Variants in SNX29 observed in about 807,000 individuals in gnomAD.
SNX29 encodes sorting nexin 29, also known as sorting nexin-29.
A neutral mutation model predicts 102.1 loss-of-function variants in SNX29; 78 were observed. That is an observed-to-expected ratio of 0.76 (90% CI 0.64 to 0.92). The LOEUF (loss-of-function observed/expected upper bound fraction) is 0.92, where lower values mean the gene tolerates loss of function less well. Among genes scored for constraint, SNX29 ranks in the 40% least tolerant of loss-of-function variants. The pLI is 0.00. For missense variants in SNX29, 1,280 were observed against 1,061.7 expected (o/e 1.21, Z -2.86); for synonymous variants, 580 against 414.5 (o/e 1.40, Z -4.85).
intron 8 of SNX29, among the ~76,000 whole-genome samples, chr16:12,054,043 C>T (rs574373048): frequency 6.6e-6 from 1 of 151,786 alleles, no homozygotes; most frequent in East Asian, 1.9e-4. Flanking sequence ...TCTCGGCTCA[C>T]TGCAAACTCC....
At chr16:12,010,343 A>C (rs1262882560) in intron 3 of SNX29, among the ~76,000 whole-genome samples, 1 of 152,190 alleles carries the variant, frequency 6.6e-6, no homozygotes, top group African/African-American at 2.4e-5. Context: ...AATTATGGCC[A>C]GGTGCAGTGG....
intron 20 of SNX29, among the ~76,000 whole-genome samples, chr16:12,567,149 G>T (rs1166391032): frequency 1.3e-5 from 2 of 152,338 alleles, no homozygotes; most frequent in African/African-American, 2.4e-5. Context: ...ACTGGGCTTG[G>T]ATACAGCTGG....
chr16:12,255,119 A>C (rs1340437497), intron 14 of SNX29, among the ~76,000 whole-genome samples: 1 of 152,212 alleles, frequency 6.6e-6, no homozygotes, highest in Non-Finnish European at 1.5e-5. Flanking sequence ...AAACATATTC[A>C]TCACTTCACA....
chr16:12,005,976 A>G (rs1287999580), intron 3 of SNX29, among the ~76,000 whole-genome samples: 1 of 152,236 alleles, frequency 6.6e-6, no homozygotes, highest in Admixed American at 6.5e-5. Flanking sequence ...ATTTTATAGT[A>G]GAATTTAAAA....
At chr16:12,346,352 C>T (rs2081804660) in intron 15 of SNX29, among the ~76,000 whole-genome samples, 1 of 152,074 alleles carries the variant, frequency 6.6e-6, no homozygotes, top group African/African-American at 2.4e-5. Context: ...TTTACGTAAC[C>T]CTAAGTAAAG....
chr16:12,450,344 T>C (rs1349617319), intron 18 of SNX29, among the ~76,000 whole-genome samples: 1 of 152,198 alleles, frequency 6.6e-6, no homozygotes, highest in Non-Finnish European at 1.5e-5. Context: ...TAGCTTTTGT[T>C]TGGGCACATT....
At chr16:12,523,709 CAG>C (rs148325283) in intron 19 of SNX29, among the ~76,000 whole-genome samples, 1,885 of 152,274 alleles carry the variant, frequency 0.012, 44 homozygotes, top group African/African-American at 0.043. Flanking sequence ...CAACCAGACA[CAG>C]GGGTGGGGTG....
At chr16:12,111,925 C>T (rs549276429) in intron 11 of SNX29, among the ~76,000 whole-genome samples, 6 of 152,252 alleles carry the variant, frequency 3.9e-5, no homozygotes, top group African/African-American at 1.4e-4. Context: ...AGGAAGCACT[C>T]ACTGCATAGC....
At chr16:12,408,181 A>AAAAAAAAAAAAAAC (rs1567533282) in intron 18 of SNX29, among the ~76,000 whole-genome samples, 1 of 148,664 alleles carries the variant, frequency 6.7e-6, no homozygotes, top group African/African-American at 2.5e-5. Context: ...AACAAACAAA[A>AAAAAAAAAAAAAAC]AAAAAACTAG....
chr16:12,131,075 A>T (rs1303216400), intron 13 of SNX29, among the ~76,000 whole-genome samples: 1 of 152,176 alleles, frequency 6.6e-6, no homozygotes, highest in Non-Finnish European at 1.5e-5. Context: ...AGGGACCATC[A>T]ACTCGCCTGG....
At chr16:12,108,164 G>T (rs995273469) in intron 11 of SNX29, among the ~76,000 whole-genome samples, 2 of 152,210 alleles carry the variant, frequency 1.3e-5, no homozygotes, top group African/African-American at 4.8e-5. Flanking sequence ...TAGGGTAGGA[G>T]AAGCCCTCCC....
At chr16:12,291,157 T>C (rs777362457) in intron 15 of SNX29, among the ~76,000 whole-genome samples, 3 of 152,114 alleles carry the variant, frequency 2.0e-5, no homozygotes, top group Non-Finnish European at 4.4e-5. Context: ...CCTTTCTGGG[T>C]TGACATCATT....
chr16:11,986,374 TA>T (rs33924503), intron 1 of SNX29, among the ~76,000 whole-genome samples: 1,908 of 131,054 alleles, frequency 0.015, 44 homozygotes, highest in African/African-American at 0.05. Context: ...TCCTACAACT[TA>T]AAAAAAAAAA....
rs2078571656 is a variant in SNX29, at chr16:12,559,266, C to CA, written c.2319-9239dup. 7.9e-5 allele frequency among the ~76,000 whole-genome samples: 12 copies of CA among 152,216 alleles called. No individual in the cohort carries two copies. The South Asian group carries it at 2.5e-3, about 32-fold the overall frequency. ...GCATCACCGCCTGAGCTCTGCCTGT[C>CA]AGATCAGCAGCAGCACTGCATTCTG... On this transcript the variant is annotated intron_variant, in intron 20 of 20. Transcript: ENST00000566228.
intron 18 of SNX29, among the ~76,000 whole-genome samples, chr16:12,411,305 G>A (rs1242700208): frequency 6.6e-6 from 1 of 152,266 alleles, no homozygotes; most frequent in Middle Eastern, 3.4e-3. Context: ...CTCCTGTGTT[G>A]CAGGCCAAGC....
intron 4 of SNX29, among the ~76,000 whole-genome samples, chr16:12,037,255 AG>A (rs1424985663): frequency 2.0e-5 from 3 of 152,180 alleles, no homozygotes; most frequent in African/African-American, 7.2e-5. Flanking sequence ...GCTGCGTTCC[AG>A]GAACACCATG....
intron 16 of SNX29, among the ~76,000 whole-genome samples, chr16:12,382,470 TCC>T (rs2083202237): frequency 6.6e-6 from 1 of 152,106 alleles, no homozygotes; most frequent in Non-Finnish European, 1.5e-5. Context: ...TGAGTCTATT[TCC>T]CCATCAGTAA....
intron 18 of SNX29, among the ~76,000 whole-genome samples, chr16:12,430,585 A>G (rs1297220109): frequency 1.3e-5 from 2 of 152,256 alleles, no homozygotes; most frequent in African/African-American, 4.8e-5. Flanking sequence ...AAGCTTATAA[A>G]GTAGTTATTA....
intron 18 of SNX29, among the ~76,000 whole-genome samples, chr16:12,434,709 G>C (rs1374814715): frequency 6.6e-6 from 1 of 151,988 alleles, no homozygotes; most frequent in Non-Finnish European, 1.5e-5. Flanking sequence ...ATCTGACACC[G>C]AAGGCCCTGC....
Sources: gnomAD v4.1 joint callset for allele counts (sites outside exome capture counted in the v4.1 genomes callset) on GRCh38, gnomAD v4.1.1 for gene constraint, MANE v1.5 for transcripts, NCBI Gene and HGNC (gene_info 2026-07-23, HGNC 2026-07-21) for gene names.